USHBP1: variants seen among roughly 807,000 people sequenced by gnomAD.
USHBP1 encodes the protein harmonin-binding protein USHBP1.
A neutral mutation model predicts 76.2 loss-of-function variants in USHBP1; 67 were observed. The ratio of observed to expected loss-of-function variants is 0.88; its 90% CI spans 0.72 to 1.08. The LOEUF is 1.08. USHBP1 is among the 50% of genes least tolerant of loss of function. The pLI is 0.00. For missense variants in USHBP1, 931 were observed against 915.0 expected (o/e 1.02, Z -0.23); for synonymous variants, 322 against 362.2 (o/e 0.89, Z 1.26).
Position 17,249,845 on chromosome 19 carries a change from A to C in USHBP1, c.*380T>G, listed in dbSNP as rs1026110736. 5.9e-5 allele frequency: 12 copies of C among 204,886 alleles called. No homozygotes were observed. The highest frequency in any genetic ancestry group is 1.1e-4 in the Admixed American group (2 of 17,824). 12.7% of individuals were successfully genotyped at this position (204,886 alleles called of 1,614,324 possible). ...CTCCCTGGGAAGGGGCTGCCAGGAG[A>C]AGCTCTGTCCAGTCCCCATGAATCC... On this transcript the variant is annotated 3_prime_UTR_variant, in exon 13 of 13. Coordinates refer to ENST00000252597, the MANE Select transcript of USHBP1 (RefSeq NM_031941.4).
At chr19:17,257,409 G>A (rs1220813211) in intron 8 of USHBP1, among the ~76,000 whole-genome samples, 3 of 149,380 alleles carry the variant, frequency 2.0e-5, no homozygotes, top group East Asian at 4.2e-4. Context: ...TTGGGAGGCC[G>A]AGGCAAGTGG....
At position 17,249,335 on chromosome 19, in the gene USHBP1, G is replaced by A. The variant is rs2145574410; in HGVS notation, c.*890C>T. The A allele has an allele frequency of 6.6e-6, 1 of 152,258 alleles. No individual in the cohort carries two copies. Among genetic ancestry groups the A allele is most frequent in the Admixed American group, 6.5e-5 (1 of 15,290 alleles). 9.4% of individuals were successfully genotyped at this position (152,258 alleles called of 1,614,324 possible). A position where few individuals can be genotyped will look rare whatever the true frequency, so the allele number is the denominator to read the frequency against. ...GTCTCCCGAGTAGCCGGGATTACAG[G>A]CATGTGCCACAACACCCAGCCAATT... is the stretch of plus-strand genomic sequence containing the variant. On this transcript the variant is annotated 3_prime_UTR_variant, in exon 13 of 13. Coordinates refer to ENST00000252597, the MANE Select transcript of USHBP1 (RefSeq NM_031941.4).
Position 17,250,104 on chromosome 19 carries a change from T to A in USHBP1, c.*121A>T. 8.3e-7 allele frequency: 1 copy of A among 1,199,800 alleles called. No individual in the cohort carries two copies. Among genetic ancestry groups the A allele is most frequent in the Non-Finnish European group, 1.1e-6 (1 of 870,820 alleles). 74.3% of individuals were successfully genotyped at this position (1,199,800 alleles called of 1,614,324 possible). A position where few individuals can be genotyped will look rare whatever the true frequency, so the allele number is the denominator to read the frequency against. ...GCCCTGGACACCCATGTGCACCAGC[T>A]TCCCTCACGCCAAATGTGCCCCAAC... is the stretch of plus-strand genomic sequence containing the variant. On this transcript the variant is annotated 3_prime_UTR_variant, in exon 13 of 13. Transcript: ENST00000252597.
chr19:17,256,567 T>C lies in USHBP1; in HGVS notation c.1374A>G (p.Ala458=), dbSNP rs35239299. The part of the protein sequence containing the change: ...TLAPMPTVPR[A]EAMVQAILGT... ...CCAGAATGGCCTGCACCATGGCTTCTGCACGGGGCACAGTGGGCATGGGTG... is the reference window on the plus strand; with the variant it reads ...CCAGAATGGCCTGCACCATGGCTTCCGCACGGGGCACAGTGGGCATGGGTG... Residue 458 remains alanine, a synonymous_variant, in exon 9 of 13, where the codon GCA becomes GCG. Transcript: ENST00000252597. The C allele has an allele frequency of 1.4e-3, 2,236 of 1,614,188 alleles. 23 individuals are homozygous for C. In the African/African-American group the frequency reaches 0.024, roughly 17 times the overall value.
chr19:17,264,000 A>G lies in USHBP1; in HGVS notation c.203+2T>C, dbSNP rs777620336. 2 of 1,579,904 alleles carry G rather than the reference A, an allele frequency of 1.3e-6. No individual in the cohort carries two copies. Among genetic ancestry groups the G allele is most frequent in the East Asian group, 2.3e-5 (1 of 44,352 alleles). ...GAAGGGCACAGACCAAGCGGGTCTT[A>G]CCTGCTTCCTAGGCCTTGGCCACTG... On this transcript the variant is annotated splice_donor_variant, in intron 3 of 12. Coordinates refer to ENST00000252597, the MANE Select transcript of USHBP1 (RefSeq NM_031941.4). LOFTEE classifies it high-confidence loss of function.
chr19:17,254,956 G>A (rs926515268), intron 10 of USHBP1, among the ~76,000 whole-genome samples: 1 of 152,030 alleles, frequency 6.6e-6, no homozygotes, highest in African/African-American at 2.4e-5. Flanking sequence ...ATATACAAAG[G>A]CTTGGAGGTA....
At chr19:17,253,109 C>T (rs2073572784) in intron 10 of USHBP1, among the ~76,000 whole-genome samples, 1 of 151,540 alleles carries the variant, frequency 6.6e-6, no homozygotes, top group Non-Finnish European at 1.5e-5. Context: ...GCTGGGACTA[C>T]AGGCGCCCGC....
chr19:17,261,093 C>G (rs1379011610), intron 4 of USHBP1, among the ~76,000 whole-genome samples: 2 of 152,090 alleles, frequency 1.3e-5, no homozygotes, highest in East Asian at 3.9e-4. Context: ...TGCTCAAAAC[C>G]CTCCAGGGCT....
chr19:17,256,129 C>T (rs1249785839), intron 9 of USHBP1, among the ~76,000 whole-genome samples: 3 of 152,136 alleles, frequency 2.0e-5, no homozygotes, highest in African/African-American at 7.2e-5. Context: ...GGGCAAGTAG[C>T]TTACATAGGT....
At chr19:17,252,331 G>A (rs2073563422) in intron 10 of USHBP1, among the ~76,000 whole-genome samples, 1 of 152,052 alleles carries the variant, frequency 6.6e-6, no homozygotes, top group Non-Finnish European at 1.5e-5. Flanking sequence ...AAGTAGTTGG[G>A]ATTACAGACA....
chr19:17,258,467 G>T (rs1312185228), intron 7 of USHBP1, 82 bp from the exon 8 acceptor site: 2 of 1,483,438 alleles, frequency 1.3e-6, no homozygotes, highest in South Asian at 2.5e-5. Flanking sequence ...CCAGCACTTT[G>T]GGAGGCTGAG....
intron 9 of USHBP1, 102 bp downstream of exon 9, chr19:17,256,369 T>C (rs2073618799): frequency 6.6e-7 from 1 of 1,525,706 alleles, no homozygotes; most frequent in African/African-American, 1.4e-5. Context: ...ATGCCTGCAC[T>C]CAGCCCAGCA....
intron 12 of USHBP1, 113 bp from the exon 13 acceptor site, chr19:17,250,527 C>T (rs1430023319): frequency 5.7e-6 from 7 of 1,228,708 alleles, no homozygotes; most frequent in Middle Eastern, 2.7e-4. Flanking sequence ...CTCCAAGGGT[C>T]CCAGCTAGCT....
At chr19:17,250,582 C>T (rs1205590674) in intron 12 of USHBP1, among the ~76,000 whole-genome samples, 168 bp from the exon 13 acceptor site, 4 of 152,142 alleles carry the variant, frequency 2.6e-5, no homozygotes, top group Non-Finnish European at 5.9e-5. Flanking sequence ...CAGAATTTCG[C>T]GCTTGTCACC....
In USHBP1 at chr19:17,259,985, G is replaced by A; in HGVS notation, c.680C>T (p.Pro227Leu). 3 of 1,613,962 alleles carry A rather than the reference G, an allele frequency of 1.9e-6. No individual in the cohort carries two copies. The highest frequency in any genetic ancestry group is 2.5e-6 in the Non-Finnish European group (3 of 1,179,938). ...ELQDSLLRLE[P>L]CPHLSHNQAG... is the part of the protein sequence containing the mutation. ...TTGGTTGTGGGAAAGATGTGGGCAG[G>A]GCTCCAGCCTCAAGAGGGAATCCTG... is the stretch of plus-strand genomic sequence containing the variant. The change falls in exon 5 of 13, where the codon CCC (proline) becomes CTC (leucine). Residue 227 changes from proline to leucine, a missense_variant. Physicochemically the swap from Pro to Leu is moderately conservative, Grantham distance 98 (BLOSUM62 -3). Coordinates refer to ENST00000252597, the MANE Select transcript of USHBP1 (RefSeq NM_031941.4).
In USHBP1 at chr19:17,264,360, C is replaced by A. The variant is rs1306256923; in HGVS notation, c.-48-13G>T. 9 of 1,531,638 alleles carry A rather than the reference C, an allele frequency of 5.9e-6. No individual in the cohort carries two copies. In the East Asian group the frequency reaches 1.2e-4, roughly 20 times the overall value. 94.9% of individuals were successfully genotyped at this position (1,531,638 alleles called of 1,614,324 possible). On this transcript the variant is annotated splice_polypyrimidine_tract_variant and intron_variant, in intron 1 of 12. Transcript: ENST00000252597. ...CCTTCGTCAACCCCTAAAACCACAG[C>A]CTGCCATGAGCTCTTGCCTTTGTTG...
intron 12 of USHBP1, 61 bp from the exon 13 acceptor site, chr19:17,250,475 G>GT: frequency 9.7e-6 from 15 of 1,552,890 alleles, no homozygotes; most frequent in Non-Finnish European, 1.3e-5. Context: ...GGCAAGGGCC[G>GT]TGTACTCCCA....
chr19:17,262,525 CA>C (rs1568328045), intron 4 of USHBP1, 26 bp downstream of exon 4: 2 of 1,579,426 alleles, frequency 1.3e-6, no homozygotes, highest in Admixed American at 1.7e-5. Context: ...CAGAGAGCCA[CA>C]TGGGACTCAG....
At chr19:17,251,735 A>T in intron 11 of USHBP1, 31 bp from the exon 12 acceptor site, 1 of 1,609,204 alleles carries the variant, frequency 6.2e-7, no homozygotes, top group Non-Finnish European at 8.5e-7. Context: ...GGGGGCTCAC[A>T]GCCCCAGCCG....
Sources: allele counts gnomAD v4.1 joint callset (sites outside exome capture counted in the v4.1 genomes callset), GRCh38; gene constraint gnomAD v4.1.1; transcripts MANE v1.5; gene names NCBI Gene and HGNC (gene_info 2026-07-23, HGNC 2026-07-21).